The following CAPRIN2 variants were observed in gnomAD, a reference collection of about 807,000 sequenced individuals.
CAPRIN2 encodes caprin-2.
CAPRIN2 carries 66 observed loss-of-function variants against 130.4 expected under a neutral mutation model. The ratio of observed to expected loss-of-function variants is 0.51; its 90% CI spans 0.42 to 0.62. The LOEUF is 0.62. CAPRIN2 is among the 20% of genes least tolerant of loss of function. The pLI is 0.00. For missense variants in CAPRIN2, 1,185 were observed against 1,246.6 expected (o/e 0.95, Z 0.74); for synonymous variants, 471 against 444.1 (o/e 1.06, Z -0.76).
At position 30,711,649 on chromosome 12, in the gene CAPRIN2, T is replaced by C; in HGVS notation, c.2602-20A>G. ...ATTATCCTAAAGTGAACATATAATA[T>C]TTACCTTGGCATCAAAAATGCAGGA... On this transcript the variant is annotated intron_variant, in intron 15 of 16. Coordinates refer to ENST00000298892, the Ensembl canonical transcript of CAPRIN2. 1 of 1,599,352 alleles carries C rather than the reference T, an allele frequency of 6.3e-7. No individual in the cohort carries two copies. The highest frequency in any genetic ancestry group is 8.6e-7 in the Non-Finnish European group (1 of 1,166,564).
intron 8 of CAPRIN2, 52 bp downstream of exon 9, chr12:30,728,596 C>T (rs970414901): frequency 2.9e-6 from 4 of 1,392,566 alleles, no homozygotes; most frequent in Non-Finnish European, 2.9e-6. Flanking sequence ...ATTACCACGA[C>T]ACCTTATTTA....
In CAPRIN2 at chr12:30,710,360, G is replaced by A; in HGVS notation, c.2776C>T (p.Pro926Ser). 1.2e-6 allele frequency: 2 copies of A among 1,614,106 alleles called. 1 individual carries two copies. The highest frequency in any genetic ancestry group is 2.7e-5 in the African/African-American group (2 of 75,014). The stretch of plus-strand genomic sequence containing the variant: ...ATGGTGGCTGCTGGATTTGTCACTG[G>A]CACATCCACAGGGGTCATGCTACGG... Residue 926 changes from proline (P) to serine (S), a missense_variant, in exon 17 of 17, where the codon CCA becomes TCA. This residue lies in a region of CAPRIN2 where 1,104 missense variants were observed against 1,104.3 expected (regional missense o/e 1.00). Coordinates refer to ENST00000298892, the Ensembl canonical transcript of CAPRIN2. This position sits in a 1 kb window ranked among gnomAD's most constrained non-coding sequence, Gnocchi z 4.8.
At chr12:30,745,974 A>C (rs1355938653) in intron 2 of CAPRIN2, among the ~76,000 whole-genome samples, 2 of 152,258 alleles carry the variant, frequency 1.3e-5, no homozygotes, top group Non-Finnish European at 2.9e-5. Flanking sequence ...CTGATGCCAA[A>C]AGAAATCTAA....
chr12:30,713,243 G>C (rs1201702329), intron 15 of CAPRIN2, among the ~76,000 whole-genome samples: 1 of 152,208 alleles, frequency 6.6e-6, no homozygotes, highest in East Asian at 1.9e-4. Flanking sequence ...TTTTGTTAAA[G>C]TGGAATTTCT....
intron 3 of CAPRIN2, among the ~76,000 whole-genome samples, chr12:30,735,452 C>T (rs1472608291): frequency 1.3e-5 from 2 of 152,134 alleles, no homozygotes. Context: ...ATGTCTAGAA[C>T]CGCTAATATC....
At chr12:30,754,767 G>C (rs980742183), upstream of CAPRIN2, 11 of 153,226 alleles carry the variant, frequency 7.2e-5, no homozygotes, top group Admixed American at 6.6e-4. Flanking sequence ...AGGCAGCCGA[G>C]GCCGCCGCTG....
chr12:30,731,291 G>C, intron 6 of CAPRIN2, 52 bp downstream of exon 7: 2 of 1,409,252 alleles, frequency 1.4e-6, no homozygotes, highest in South Asian at 2.5e-5. Context: ...TGACTCATTT[G>C]GGGTATTAAA....
At chr12:30,729,018 T>G (rs1478297348) in exon 8 of CAPRIN2, 1 of 1,614,222 alleles carries the variant, frequency 6.2e-7, no homozygotes, top group East Asian at 2.2e-5. Flanking sequence ...TTGCTTCCAC[T>G]GGCTAGGAGA....
At chr12:30,720,677 A>G (rs758261175) in intron 12 of CAPRIN2, 134 bp downstream of exon 13, 9 of 584,700 alleles carry the variant, frequency 1.5e-5, no homozygotes, top group Non-Finnish European at 2.8e-5. Context: ...CAAGATCACA[A>G]TATCTATAGA....
chr12:30,751,871 T>C (rs1409118070), intron 1 of CAPRIN2, among the ~76,000 whole-genome samples: 1 of 151,498 alleles, frequency 6.6e-6, no homozygotes, highest in African/African-American at 2.4e-5. Context: ...TAAATTGCAT[T>C]TGTTGGCCCC....
intron 3 of CAPRIN2, 59 bp downstream of exon 4, chr12:30,740,961 T>C: frequency 9.9e-7 from 1 of 1,012,144 alleles, no homozygotes; most frequent in Non-Finnish European, 1.5e-6. Flanking sequence ...CACACTGACA[T>C]TTTCTCCAAG....
chr12:30,747,377 C>T (rs561885190), intron 2 of CAPRIN2, among the ~76,000 whole-genome samples: 61 of 152,240 alleles, frequency 4.0e-4, no homozygotes, highest in African/African-American at 1.3e-3. Flanking sequence ...ACTTTCACGT[C>T]TTCTTAAGAA....
Position 30,751,275 on chromosome 12 carries a change from T to C in CAPRIN2, c.421-142A>G, listed in dbSNP as rs2073720769. 3 of 666,998 alleles carry C rather than the reference T, an allele frequency of 4.5e-6. No individual in the cohort carries two copies. The South Asian group carries it at 5.1e-5, about 11-fold the overall frequency. 41.3% of individuals were successfully genotyped at this position (666,998 alleles called of 1,614,324 possible). On this transcript the variant is annotated intron_variant, in intron 1 of 16. Coordinates refer to ENST00000298892, the Ensembl canonical transcript of CAPRIN2. ...AAGACTATCATTTTACTATACGGCATGCAGCAACTGTAGATGAGTTCCAGT... is the reference window on the plus strand; with the variant it reads ...AAGACTATCATTTTACTATACGGCACGCAGCAACTGTAGATGAGTTCCAGT...
At chr12:30,741,461 T>C (rs1001002255) in intron 2 of CAPRIN2, among the ~76,000 whole-genome samples, 1 of 152,132 alleles carries the variant, frequency 6.6e-6, no homozygotes, top group African/African-American at 2.4e-5. Context: ...ATTACACAAA[T>C]AGCACGGTGA....
chr12:30,743,122 TC>T (rs1164074168), intron 2 of CAPRIN2, among the ~76,000 whole-genome samples: 1 of 86,804 alleles, frequency 1.2e-5, no homozygotes, highest in Admixed American at 1.5e-4. Context: ...GTATCCCCCC[TC>T]CCCCCGCCCC....
chr12:30,718,547 T>C (rs945234790), intron 12 of CAPRIN2, among the ~76,000 whole-genome samples: 1 of 152,234 alleles, frequency 6.6e-6, no homozygotes, highest in African/African-American at 2.4e-5. Flanking sequence ...AGCTGTAATA[T>C]TATTTTTTTA....
Position 30,733,619 on chromosome 12 carries a change from G to A in CAPRIN2, c.892+10C>T. The A allele has an allele frequency of 6.3e-7, 1 of 1,594,998 alleles. No individual in the cohort carries two copies. The stretch of plus-strand genomic sequence containing the variant: ...ATTTACTGCATAAGTCCAGAGTAGA[G>A]AAAACTCACATGTCGTTCCTACCAC... On this transcript the variant is annotated intron_variant, in intron 5 of 16. Transcript: ENST00000298892.
exon 6 of CAPRIN2, chr12:30,731,371 T>C (rs535144061): frequency 1.2e-6 from 2 of 1,612,906 alleles, no homozygotes; most frequent in Admixed American, 1.7e-5. Flanking sequence ...CAGTCTTCGA[T>C]AATTGTGTTT....
chr12:30,727,196 G>A (rs1336349515), intron 8 of CAPRIN2, among the ~76,000 whole-genome samples: 1 of 152,082 alleles, frequency 6.6e-6, no homozygotes, highest in African/African-American at 2.4e-5. Context: ...GTTTTTAAAT[G>A]TTTTTCAAAA....
Sources: gnomAD v4.1 joint callset for allele counts (sites outside exome capture counted in the v4.1 genomes callset) on GRCh38, gnomAD v4.1.1 for gene constraint, gnomAD v4.1.1 regional missense constraint, Gnocchi (gnomAD v3.1) non-coding constraint, MANE v1.5 for transcripts, NCBI Gene and HGNC (gene_info 2026-07-23, HGNC 2026-07-21) for gene names.